NXN: variants seen among roughly 807,000 people sequenced by gnomAD.
The protein encoded by NXN is nucleoredoxin.
NXN carries 16 observed loss-of-function variants against 48.6 expected under a neutral mutation model. That is an observed-to-expected ratio of 0.33 (90% confidence interval 0.22 to 0.50). The LOEUF is 0.50. NXN is among the 20% of genes least tolerant of loss of function. The pLI, the probability that NXN is intolerant of heterozygous loss-of-function variation, is 0.98. For missense variants in NXN, 492 were observed against 605.5 expected (o/e 0.81, Z 1.97); for synonymous variants, 281 against 269.6 (o/e 1.04, Z -0.41).
chr17:803,965 A>G, intron 6 of NXN, 159 bp from the exon 7 acceptor site: 1 of 871,594 alleles, frequency 1.1e-6, no homozygotes, highest in Non-Finnish European at 1.8e-6. Flanking sequence ...TGCTCCCCGC[A>G]TGCATGGGTG....
At chr17:819,998 C>T (rs1912734869) in intron 4 of NXN, among the ~76,000 whole-genome samples, 1 of 152,212 alleles carries the variant, frequency 6.6e-6, no homozygotes, top group Non-Finnish European at 1.5e-5. Flanking sequence ...CACACCTACT[C>T]AAGCGGCAGA....
intron 1 of NXN, among the ~76,000 whole-genome samples, chr17:881,232 G>A (rs555309901): frequency 4.5e-4 from 69 of 152,324 alleles, no homozygotes; most frequent in African/African-American, 1.4e-3. Flanking sequence ...CTCCGCTGCC[G>A]GGGACATAAA....
At chr17:807,976 C>G (rs1327949572) in intron 5 of NXN, among the ~76,000 whole-genome samples, 2 of 152,170 alleles carry the variant, frequency 1.3e-5, no homozygotes, top group Non-Finnish European at 2.9e-5. Context: ...CAAGGTGACC[C>G]CCAGGTCACC....
At chr17:811,223 A>C (rs1911980256) in intron 5 of NXN, among the ~76,000 whole-genome samples, 1 of 152,196 alleles carries the variant, frequency 6.6e-6, no homozygotes, top group African/African-American at 2.4e-5. Context: ...CGGCACCTCT[A>C]GCTGCTTCCG....
At chr17:924,191 T>G (rs2144957938) in intron 1 of NXN, among the ~76,000 whole-genome samples, 1 of 152,216 alleles carries the variant, frequency 6.6e-6, no homozygotes, top group South Asian at 2.1e-4. Flanking sequence ...CACAGGTGTG[T>G]ATCACCAAAC....
At chr17:912,091 C>G (rs1431365478) in intron 1 of NXN, among the ~76,000 whole-genome samples, 1 of 151,954 alleles carries the variant, frequency 6.6e-6, no homozygotes, top group South Asian at 2.1e-4. Context: ...GCGCCCGCTA[C>G]CACGCACGGC....
At position 979,742 on chromosome 17, in the gene NXN, A is replaced by AGGC. The variant is rs1555523177; in HGVS notation, c.-67_-65dup. ...GCTCCACGGTCCGCGCGGCGGGAGGAGGCGGCGGCGTCGGCGGCAGGCGCT... is the reference window on the plus strand; with the variant it reads ...GCTCCACGGTCCGCGCGGCGGGAGGAGGCGGCGGCGGCGTCGGCGGCAGGCGCT... On this transcript the variant is annotated 5_prime_UTR_variant, in exon 1 of 8. Coordinates refer to ENST00000336868, the MANE Select transcript of NXN (RefSeq NM_022463.5). The AGGC allele has an allele frequency of 4.4e-5, 54 of 1,239,050 alleles. No homozygotes were observed. The highest frequency in any genetic ancestry group is 2.8e-4 in the Middle Eastern group (1 of 3,578). The allele number at this position is 1,239,050 out of a possible 1,614,324, so 76.8% of individuals were successfully genotyped here. A position where few individuals can be genotyped will look rare whatever the true frequency, so the allele number is the denominator to read the frequency against.
chr17:813,517 G>A (rs1010782614), intron 5 of NXN, among the ~76,000 whole-genome samples: 2 of 152,266 alleles, frequency 1.3e-5, no homozygotes, highest in Middle Eastern at 3.2e-3. Context: ...TCCCTGGAAT[G>A]ATATAATGAT....
At chr17:913,489 C>A (rs771554478) in intron 1 of NXN, among the ~76,000 whole-genome samples, 3 of 152,188 alleles carry the variant, frequency 2.0e-5, no homozygotes, top group African/African-American at 7.2e-5. Flanking sequence ...CTCCTCAACA[C>A]GACAGACAGA....
rs193065587 is a variant in NXN at position 919,552 on chromosome 17, G to A, written c.360+59767C>T. On this transcript the variant is annotated intron_variant, in intron 1 of 7. Transcript: ENST00000336868. The surrounding 1 kb of genome is among the most constrained non-coding windows in gnomAD (Gnocchi z 5.1). ...CAGTTTTGGGAGGACGCAGTCAAAC[G>A]GCTTTCTACAGCACCTCCTCGTATC... is the stretch of plus-strand genomic sequence containing the variant. Among the ~76,000 whole-genome samples, 15 of 152,150 alleles carry A rather than the reference G, an allele frequency of 9.9e-5. No homozygotes were observed. Among genetic ancestry groups the A allele is most frequent in the Non-Finnish European group, 1.8e-4 (12 of 67,994 alleles).
chr17:973,826 T>G (rs970546974), intron 1 of NXN, among the ~76,000 whole-genome samples: 1 of 151,608 alleles, frequency 6.6e-6, no homozygotes, highest in African/African-American at 2.4e-5. Flanking sequence ...AGTACAGGTG[T>G]GTACCACCAC....
Position 836,936 on chromosome 17 carries a change from C to T in NXN, c.361-10858G>A, listed in dbSNP as rs192654588. Among the ~76,000 whole-genome samples the T allele has an allele frequency of 1.8e-3, 278 of 150,786 alleles. 3 individuals are homozygous for T. Among genetic ancestry groups the T allele is most frequent in the Admixed American group, 0.012 (174 of 15,114 alleles). On this transcript the variant is annotated intron_variant, in intron 1 of 7. Transcript: ENST00000336868. ...CCTCCCAGAGTGCTGGGATTACAAG[C>T]GTGAGCCACCACACCTAGCTTAGTT...
At chr17:894,195 C>A (rs866698745) in intron 1 of NXN, among the ~76,000 whole-genome samples, 718 of 15,784 alleles carry the variant, frequency 0.045, 25 homozygotes, top group African/African-American at 0.14. Flanking sequence ...GGAAGCATCT[C>A]AAACGCCCTG....
intron 1 of NXN, among the ~76,000 whole-genome samples, chr17:836,093 G>T (rs1297006805): frequency 7.5e-6 from 1 of 133,628 alleles, no homozygotes; most frequent in Non-Finnish European, 1.6e-5. Flanking sequence ...AAAAACACCG[G>T]TGGGATTCGT....
intron 1 of NXN, among the ~76,000 whole-genome samples, chr17:866,004 T>C (rs926340219): frequency 6.6e-6 from 1 of 151,632 alleles, no homozygotes; most frequent in African/African-American, 2.4e-5. Context: ...AAAAAAAGTG[T>C]GTGCGACAAT....
At chr17:874,139 T>A (rs1249529304) in intron 1 of NXN, among the ~76,000 whole-genome samples, 2 of 152,144 alleles carry the variant, frequency 1.3e-5, no homozygotes, top group African/African-American at 4.8e-5. Context: ...CCTGACGGTT[T>A]TATAAGGGAC....
intron 1 of NXN, among the ~76,000 whole-genome samples, chr17:898,189 G>A (rs1008615493): frequency 1.3e-5 from 2 of 152,054 alleles, no homozygotes; most frequent in African/African-American, 2.4e-5. Flanking sequence ...CTCCCTGGTC[G>A]AGGCTGGTCT....
At chr17:957,998 GC>G (rs1292551987) in intron 1 of NXN, among the ~76,000 whole-genome samples, 10 of 151,816 alleles carry the variant, frequency 6.6e-5, no homozygotes, top group Admixed American at 6.6e-4. Flanking sequence ...AGCACGGGCA[GC>G]CCCCATCACT....
At chr17:892,192 A>G (rs1651122598) in intron 1 of NXN, among the ~76,000 whole-genome samples, 1 of 145,738 alleles carries the variant, frequency 6.9e-6, no homozygotes, top group Non-Finnish European at 1.5e-5. Flanking sequence ...ACAGCCCAAC[A>G]GGGAACTAAG....
Sources: gnomAD v4.1 joint callset for allele counts (sites outside exome capture counted in the v4.1 genomes callset) on GRCh38, gnomAD v4.1.1 for gene constraint, Gnocchi (gnomAD v3.1) non-coding constraint, MANE v1.5 for transcripts, NCBI Gene and HGNC (gene_info 2026-07-23, HGNC 2026-07-21) for gene names.